The following KIF21B variants were observed in gnomAD, a reference collection of about 807,000 sequenced individuals.
KIF21B encodes kinesin-like protein KIF21B.
KIF21B carries 85 observed loss-of-function variants against 192.9 expected under a neutral mutation model. The ratio of observed to expected loss-of-function variants is 0.44; its 90% CI spans 0.37 to 0.53. KIF21B has a LOEUF of 0.53. Ranked by LOEUF, KIF21B falls within the 20% of genes least tolerant of loss-of-function variation. KIF21B has a pLI of 0.00. For missense variants in KIF21B, 1,716 were observed against 2,194.8 expected (o/e 0.78, Z 4.36); for synonymous variants, 832 against 884.6 (o/e 0.94, Z 1.05).
At position 200,990,176 on chromosome 1, in the gene KIF21B, C is replaced by T. The variant is rs1656589224; in HGVS notation, c.2992G>A (p.Asp998Asn). The T allele has an allele frequency of 2.5e-6, 4 of 1,613,814 alleles. No homozygotes were observed. The highest frequency in any genetic ancestry group is 2.5e-6 in the Non-Finnish European group (3 of 1,179,934). ...NIDYINDGIT[D>N]CQATIVQLEE... ...AGCTGCACGATGGTGGCCTGGCAGT[C>T]GGTGATGCCGTCATTGATGTAGTCA... The change falls in exon 20 of 35, where the codon GAC becomes AAC. Residue 998 changes from aspartate (D) to asparagine (N), a missense_variant. By Grantham distance (23) the Asp-to-Asn change is conservative. Around this residue, in one of 3 missense-constraint regions of KIF21B, gnomAD observed 49 missense variants for 102.6 expected, o/e 0.48. Transcript: ENST00000461742. This position sits in a 1 kb window ranked among gnomAD's most constrained non-coding sequence, Gnocchi z 5.4.
At position 200,979,570 on chromosome 1, in the gene KIF21B, G is replaced by A. The variant is rs780618069; in HGVS notation, c.4125C>T (p.Asp1375=). ...GAATGCACTTGGCTGAGTCCCGGAT[G>A]TCCCACACCTTGATGTAGGAGGTGG... is the stretch of plus-strand genomic sequence containing the variant. ...SVSTSYIKVW[D]IRDSAKCIRT... Residue 1375 remains aspartate (D), a synonymous_variant, in exon 30 of 35, where the codon GAC becomes GAT. Coordinates refer to ENST00000461742, the MANE Select transcript of KIF21B (RefSeq NM_001252102.2). The A allele has an allele frequency of 6.3e-7, 1 of 1,582,868 alleles. No individual in the cohort carries two copies. The highest frequency in any genetic ancestry group is 8.6e-7 in the Non-Finnish European group (1 of 1,165,008).
chr1:200,985,593 T>G (rs1189889857), intron 26 of KIF21B, among the ~76,000 whole-genome samples: 1 of 152,172 alleles, frequency 6.6e-6, no homozygotes, highest in Non-Finnish European at 1.5e-5. Context: ...ACCTCTTAAT[T>G]AAGTGCATGG....
rs1053231358 is a variant in KIF21B at position 200,982,338 on chromosome 1, G to A, written c.3842+718C>T. 6.6e-6 allele frequency among the ~76,000 whole-genome samples: 1 copy of A among 152,170 alleles called. No homozygotes were observed. Among genetic ancestry groups the A allele is most frequent in the African/African-American group, 2.4e-5 (1 of 41,450 alleles). The stretch of plus-strand genomic sequence containing the variant: ...TGTCGACACTCAGGGCTGGAGGCTC[G>A]AGGAGCTGAGACAGCCCACCAGGAG... On this transcript the variant is annotated intron_variant, in intron 28 of 34. Transcript: ENST00000461742. This position sits in a 1 kb window ranked among gnomAD's most constrained non-coding sequence, Gnocchi z 4.7.
chr1:200,981,027 G>A lies in KIF21B; in HGVS notation c.3912C>T (p.Ala1304=), dbSNP rs765977231. 3.5e-5 allele frequency: 57 copies of A among 1,610,300 alleles called. No homozygotes were observed. The highest frequency in any genetic ancestry group is 4.5e-5 in the East Asian group (2 of 44,560). ...AGAGGATGGGCTTGGTGTGGCCTTC[G>A]GCCATGGAGACACACTGCAGTGGGG... is the stretch of plus-strand genomic sequence containing the variant. The part of the protein sequence containing the change: ...RTAPLQCVSM[A]EGHTKPILCL... Residue 1304 remains alanine (A), a synonymous_variant, in exon 29 of 35, where the codon GCC becomes GCT. Transcript: ENST00000461742.
At chr1:200,976,504 A>G (rs1261123863) in intron 32 of KIF21B, among the ~76,000 whole-genome samples, 1 of 152,254 alleles carries the variant, frequency 6.6e-6, no homozygotes, top group Non-Finnish European at 1.5e-5. Flanking sequence ...TCATTTTAAT[A>G]GCTGCAATGC....
At position 201,000,774 on chromosome 1, in the gene KIF21B, C is replaced by T; in HGVS notation, c.1409G>A (p.Gly470Asp). The change falls in exon 10 of 35, where the codon GGC becomes GAC. Residue 470 changes from glycine to aspartate, a missense_variant. Physicochemically the swap from Gly to Asp is moderately conservative, Grantham distance 94. Coordinates refer to ENST00000461742, the MANE Select transcript of KIF21B (RefSeq NM_001252102.2). The surrounding 1 kb of genome is among the most constrained non-coding windows in gnomAD (Gnocchi z 6.0). ...GATCAGCGCACCAATGGCCTCATTG[C>T]CATCGCCTGGAGTGGGACGGCGGGA... ...ANLLLAKAGD[G>D]NEAIGALIQN... The T allele has an allele frequency of 6.2e-7, 1 of 1,614,176 alleles. No individual in the cohort carries two copies. The highest frequency in any genetic ancestry group is 8.5e-7 in the Non-Finnish European group (1 of 1,180,004).
Position 200,975,043 on chromosome 1 carries a change from G to T in KIF21B, c.4615-130C>A, listed in dbSNP as rs535091493. 1.5e-5 allele frequency: 13 copies of T among 873,126 alleles called. No homozygotes were observed. In the African/African-American group the frequency reaches 1.7e-4, roughly 11 times the overall value. The allele number at this position is 873,126 out of a possible 1,614,324, so 54.1% of individuals were successfully genotyped here. A position where few individuals can be genotyped will look rare whatever the true frequency, so the allele number is the denominator to read the frequency against. On this transcript the variant is annotated intron_variant, in intron 33 of 34. Coordinates refer to ENST00000461742, the MANE Select transcript of KIF21B (RefSeq NM_001252102.2). This position sits in a 1 kb window ranked among gnomAD's most constrained non-coding sequence, Gnocchi z 4.3. ...GCCTCTAGAGCTGCCACACGGGCGG[G>T]TGACACTGGTTCCAGGAGCCATGCT...
chr1:200,974,824 G>A lies in KIF21B; in HGVS notation c.4704C>T (p.Val1568=). 1 of 1,614,240 alleles carries A rather than the reference G, an allele frequency of 6.2e-7. No individual in the cohort carries two copies. Among genetic ancestry groups the A allele is most frequent in the Non-Finnish European group, 8.5e-7 (1 of 1,180,028 alleles). The part of the protein sequence containing the change: ...PMLLSACRAG[V]IKVWNVDNFT... ...AGTTGTCCACGTTCCAGACCTTGAT[G>A]ACACCCGCACGGCAGGCGCTGAGCA... The change falls in exon 34 of 35, where the codon GTC becomes GTT. Residue 1568 remains valine, a synonymous_variant. Transcript: ENST00000461742.
rs1657434535 is a variant in KIF21B, at chr1:201,000,670, G to A, written c.1466+47C>T. ...CTGCCACAGCCCTTGGCGTCACCTG[G>A]CCGAGGCCCCCAGCCCGCGCACACC... On this transcript the variant is annotated intron_variant, in intron 10 of 34. Transcript: ENST00000461742. This position sits in a 1 kb window ranked among gnomAD's most constrained non-coding sequence, Gnocchi z 6.0. The A allele has an allele frequency of 6.2e-7, 1 of 1,613,464 alleles. No individual in the cohort carries two copies. The highest frequency in any genetic ancestry group is 8.5e-7 in the Non-Finnish European group (1 of 1,179,716).
At chr1:200,983,927 G>T (rs1254864550) in intron 27 of KIF21B, among the ~76,000 whole-genome samples, 2 of 152,180 alleles carry the variant, frequency 1.3e-5, no homozygotes, top group Non-Finnish European at 2.9e-5. Flanking sequence ...GGGGAGGGTG[G>T]ACATCAGGCA....
rs146916477 is a variant in KIF21B at position 200,976,828 on chromosome 1, G to A, written c.4391C>T (p.Thr1464Met). The change falls in exon 32 of 35, where the codon ACG becomes ATG. Residue 1464 changes from threonine (T) to methionine (M), a missense_variant. Coordinates refer to ENST00000461742, the MANE Select transcript of KIF21B (RefSeq NM_001252102.2). ...CACCACGAGGTCATGCTGGCTGGCC[G>A]TCTGGGTGACCGTCAGGCACATCAC... ...GPVMCLTVTQ[T>M]ASQHDLVVTG... The A allele has an allele frequency of 7.1e-5, 114 of 1,613,618 alleles. No individual in the cohort carries two copies. The highest frequency in any genetic ancestry group is 6.9e-4 in the African/African-American group (52 of 74,930).
rs915542104 is a variant in KIF21B, at chr1:200,970,885, G to A, written c.*2636C>T. ...CTCCAGTCTTAAGATGGGCACAGAA[G>A]GGCAAGAAGTAAGATGACGAGTCCC... On this transcript the variant is annotated 3_prime_UTR_variant, in exon 35 of 35. Coordinates refer to ENST00000461742, the MANE Select transcript of KIF21B (RefSeq NM_001252102.2). The A allele has an allele frequency of 6.6e-6, 1 of 152,548 alleles. No individual in the cohort carries two copies. Among genetic ancestry groups the A allele is most frequent in the Non-Finnish European group, 1.5e-5 (1 of 68,110 alleles). The allele number at this position is 152,548 out of a possible 1,614,324, so 9.4% of individuals were successfully genotyped here.
In KIF21B at chr1:200,977,524, C is replaced by T; in HGVS notation, c.4161-148G>A. On this transcript the variant is annotated intron_variant, in intron 30 of 34. Coordinates refer to ENST00000461742, the MANE Select transcript of KIF21B (RefSeq NM_001252102.2). ...CTGACAGAGAAGAGCAATAGCTTCTCCCATAAGTGAGACCCAGGGGAGAGC... is the reference window on the plus strand; with the variant it reads ...CTGACAGAGAAGAGCAATAGCTTCTTCCATAAGTGAGACCCAGGGGAGAGC... 3.1e-6 allele frequency: 3 copies of T among 980,460 alleles called. No homozygotes were observed. The South Asian group carries it at 5.1e-5, about 17-fold the overall frequency. The allele number at this position is 980,460 out of a possible 1,614,324, so 60.7% of individuals were successfully genotyped here. A position where few individuals can be genotyped will look rare whatever the true frequency, so the allele number is the denominator to read the frequency against.
chr1:201,001,827 C>T, intron 9 of KIF21B: 1 of 330,092 alleles, frequency 3.0e-6, no homozygotes, highest in East Asian at 5.6e-5. Context: ...GAAACAAATA[C>T]TGAGAAAGGT....
In KIF21B at chr1:200,975,318, G is replaced by GGTA. The variant is rs1655469883; in HGVS notation, c.4614+178_4614+180dup. Among the ~76,000 whole-genome samples, 1 of 152,210 alleles carries GGTA rather than the reference G, an allele frequency of 6.6e-6. No individual in the cohort carries two copies. The highest frequency in any genetic ancestry group is 2.4e-5 in the African/African-American group (1 of 41,450). ...AGATGTGGCATCAGGAGAGGCCGCG[G>GGTA]GTAGGGAAGAAGGGAGGATGGAGAC... is the stretch of plus-strand genomic sequence containing the variant. On this transcript the variant is annotated intron_variant, in intron 33 of 34. Transcript: ENST00000461742. The surrounding 1 kb of genome is among the most constrained non-coding windows in gnomAD (Gnocchi z 4.3).
At chr1:200,992,254 C>T (rs764735724) in intron 16 of KIF21B, 28 bp downstream of exon 16, 13 of 1,602,500 alleles carry the variant, frequency 8.1e-6, no homozygotes, top group Non-Finnish European at 1.0e-5. Flanking sequence ...GCCAAAGGCT[C>T]CTGGGAGGCT....
rs1165701822 is a variant in KIF21B at position 201,017,123 on chromosome 1, G to A, written c.41+6220C>T. Among the ~76,000 whole-genome samples the A allele has an allele frequency of 3.3e-5, 5 of 152,152 alleles. No homozygotes were observed. Among genetic ancestry groups the A allele is most frequent in the African/African-American group, 1.2e-4 (5 of 41,420 alleles). ...AGGGTCAGGCAGGCTAACAGGGGAG[G>A]GGGTGCCTGCCATGAGGCACCTTGA... On this transcript the variant is annotated intron_variant, in intron 1 of 34. Coordinates refer to ENST00000461742, the MANE Select transcript of KIF21B (RefSeq NM_001252102.2). This position sits in a 1 kb window ranked among gnomAD's most constrained non-coding sequence, Gnocchi z 4.1.
In KIF21B at chr1:200,974,835, G is replaced by A. The variant is rs1215834067; in HGVS notation, c.4693C>T (p.Arg1565Cys). Residue 1565 changes from arginine (R) to cysteine (C), a missense_variant, in exon 34 of 35, where the codon CGT (arginine) becomes TGT (cysteine). Around this residue, in one of 3 missense-constraint regions of KIF21B, gnomAD observed 580 missense variants for 775.5 expected, o/e 0.75. Coordinates refer to ENST00000461742, the MANE Select transcript of KIF21B (RefSeq NM_001252102.2). ...PGRPMLLSAC[R>C]AGVIKVWNVD... is the part of the protein sequence containing the mutation. ...TTCCAGACCTTGATGACACCCGCAC[G>A]GCAGGCGCTGAGCAGCATGGGGCGG... 2 of 1,614,222 alleles carry A rather than the reference G, an allele frequency of 1.2e-6. No homozygotes were observed. The highest frequency in any genetic ancestry group is 8.5e-7 in the Non-Finnish European group (1 of 1,180,032).
intron 8 of KIF21B, 80 bp downstream of exon 8, chr1:201,003,506 G>T: frequency 7.0e-7 from 1 of 1,432,314 alleles, no homozygotes; most frequent in Non-Finnish European, 9.8e-7. Context: ...AGGAAGTTAG[G>T]GTGAGGCTGC....
Sources: gnomAD v4.1 joint callset for allele counts (sites outside exome capture counted in the v4.1 genomes callset) on GRCh38, gnomAD v4.1.1 for gene constraint, gnomAD v4.1.1 regional missense constraint, Gnocchi (gnomAD v3.1) non-coding constraint, MANE v1.5 for transcripts, NCBI Gene and HGNC (gene_info 2026-07-23, HGNC 2026-07-21) for gene names.